The following SKAP1 variants were observed in gnomAD, a reference collection of about 807,000 sequenced individuals.
SKAP1 encodes src kinase associated phosphoprotein 1, also known as src kinase-associated phosphoprotein 1.
A neutral mutation model predicts 58.5 loss-of-function variants in SKAP1; 44 were observed. That is an observed-to-expected ratio of 0.75 (90% CI 0.59 to 0.97). SKAP1 has a LOEUF of 0.97. SKAP1 is among the 50% of genes least tolerant of loss of function. SKAP1 has a pLI of 0.00. For synonymous variants in SKAP1, 127 were observed against 149.7 expected, an observed-to-expected ratio of 0.85 and a Z score of 1.11; for missense variants, 390 against 435.2, an observed-to-expected ratio of 0.90 and a Z score of 0.92.
At chr17:48,145,278 C>T (rs754996811) in intron 11 of SKAP1, among the ~76,000 whole-genome samples, 2 of 152,138 alleles carry the variant, frequency 1.3e-5, no homozygotes, top group Non-Finnish European at 2.9e-5. Context: ...CATTATATGG[C>T]TGTAGAAACT....
intron 2 of SKAP1, among the ~76,000 whole-genome samples, chr17:48,373,765 AC>A (rs2067117734): frequency 1.3e-5 from 2 of 152,202 alleles, no homozygotes; most frequent in Admixed American, 1.3e-4. Flanking sequence ...CTTGCCCCAC[AC>A]CCACCAAAAA....
chr17:48,323,638 A>T (rs896093783), intron 4 of SKAP1, among the ~76,000 whole-genome samples: 1 of 152,160 alleles, frequency 6.6e-6, no homozygotes, highest in African/African-American at 2.4e-5. Flanking sequence ...GAGCATTTCT[A>T]TGTGAAAAGT....
chr17:48,407,093 T>C (rs893023244), intron 1 of SKAP1, among the ~76,000 whole-genome samples: 1 of 152,164 alleles, frequency 6.6e-6, no homozygotes, highest in Non-Finnish European at 1.5e-5. Context: ...TAAAAACACA[T>C]ACTCCTACAT....
At position 48,138,352 on chromosome 17, in the gene SKAP1, G is replaced by A. The variant is rs192045870; in HGVS notation, c.979-1015C>T. Among the ~76,000 whole-genome samples, 45 of 151,212 alleles carry A rather than the reference G, an allele frequency of 3.0e-4. No homozygotes were observed. In the East Asian group the frequency reaches 7.2e-3, roughly 24 times the overall value. ...CCTGAGTAGCTGGGATTACAGGTGC[G>A]TGCCATCACACCCGGCTATTTTTTT... On this transcript the variant is annotated intron_variant, in intron 11 of 12. Transcript: ENST00000336915.
At chr17:48,421,156 G>A (rs923547696) in intron 1 of SKAP1, among the ~76,000 whole-genome samples, 3 of 152,152 alleles carry the variant, frequency 2.0e-5, no homozygotes, top group African/African-American at 7.2e-5. Flanking sequence ...TCTAACACTA[G>A]ACGATAATCA....
intron 4 of SKAP1, among the ~76,000 whole-genome samples, chr17:48,273,236 AC>A (rs1006596942): frequency 2.0e-5 from 3 of 152,170 alleles, no homozygotes; most frequent in African/African-American, 7.2e-5. Flanking sequence ...ATCAATCTGA[AC>A]ATTTCCTTTC....
intron 9 of SKAP1, among the ~76,000 whole-genome samples, chr17:48,171,877 A>G (rs2064223361): frequency 6.6e-6 from 1 of 152,086 alleles, no homozygotes; most frequent in African/African-American, 2.4e-5. Context: ...CCTGGTCAAC[A>G]TGGTGAAACC....
At chr17:48,158,592 G>GAA (rs1031044698) in intron 11 of SKAP1, among the ~76,000 whole-genome samples, 1 of 128,206 alleles carries the variant, frequency 7.8e-6, no homozygotes, top group Non-Finnish European at 1.7e-5. Flanking sequence ...AAAGAAAAAA[G>GAA]AAAAAAAAAG....
chr17:48,421,699 A>G (rs1453639233), intron 1 of SKAP1, among the ~76,000 whole-genome samples: 1 of 152,200 alleles, frequency 6.6e-6, no homozygotes, highest in Non-Finnish European at 1.5e-5. Context: ...TTCAAGTGCC[A>G]TCTCAGAGAA....
chr17:48,303,589 G>A (rs1328981543), intron 4 of SKAP1, among the ~76,000 whole-genome samples: 1 of 152,150 alleles, frequency 6.6e-6, no homozygotes, highest in African/African-American at 2.4e-5. Context: ...TAAAGGGACC[G>A]CTTTCCTTCA....
chr17:48,373,417 G>C (rs1309603576), intron 2 of SKAP1, among the ~76,000 whole-genome samples: 3 of 152,238 alleles, frequency 2.0e-5, no homozygotes, highest in East Asian at 3.9e-4. Flanking sequence ...AGATTTGGGT[G>C]GGGGGACAGA....
At chr17:48,178,236 A>T (rs530045754) in intron 9 of SKAP1, among the ~76,000 whole-genome samples, 2 of 152,084 alleles carry the variant, frequency 1.3e-5, no homozygotes, top group South Asian at 4.2e-4. Flanking sequence ...CTGTGTCTCT[A>T]AGCATCAGCC....
intron 9 of SKAP1, among the ~76,000 whole-genome samples, chr17:48,179,022 G>T (rs990420961): frequency 6.6e-6 from 1 of 151,974 alleles, no homozygotes; most frequent in African/African-American, 2.4e-5. Flanking sequence ...TGTGGAGAGG[G>T]TTGGACGCTC....
At chr17:48,175,450 C>CA (rs1567806275) in intron 9 of SKAP1, among the ~76,000 whole-genome samples, 2 of 152,200 alleles carry the variant, frequency 1.3e-5, no homozygotes, top group African/African-American at 4.8e-5. Context: ...TATAGCACCT[C>CA]ATCAGACAAC....
intron 11 of SKAP1, among the ~76,000 whole-genome samples, chr17:48,146,947 CTG>C (rs1016004671): frequency 6.6e-6 from 1 of 152,174 alleles, no homozygotes. Context: ...ATCTGTTTAA[CTG>C]TGACTTCAGA....
At position 48,302,771 on chromosome 17, in the gene SKAP1, A is replaced by G. The variant is rs185714509; in HGVS notation, c.280+43134T>C. 3.7e-3 allele frequency among the ~76,000 whole-genome samples: 567 copies of G among 152,336 alleles called. 3 individuals are homozygous for G. Among genetic ancestry groups the G allele is most frequent in the Middle Eastern group, 0.027 (8 of 294 alleles). ...CATCCTCTTTGTCACTATTTGGTTC[A>G]ACAGTTTAGGTCAACAAACACTCTG... On this transcript the variant is annotated intron_variant, in intron 4 of 12. Coordinates refer to ENST00000336915, the MANE Select transcript of SKAP1 (RefSeq NM_003726.4).
At chr17:48,224,035 A>G (rs1355384509) in intron 4 of SKAP1, among the ~76,000 whole-genome samples, 9 of 65,432 alleles carry the variant, frequency 1.4e-4, no homozygotes, top group African/African-American at 5.3e-4. Flanking sequence ...AGAGAGAGAG[A>G]AGAAGGAGGA....
At chr17:48,157,460 C>A (rs1437738345) in intron 11 of SKAP1, among the ~76,000 whole-genome samples, 1 of 151,706 alleles carries the variant, frequency 6.6e-6, no homozygotes, top group East Asian at 1.9e-4. Flanking sequence ...GTCTTGAACT[C>A]CTGACCTCAG....
intron 4 of SKAP1, among the ~76,000 whole-genome samples, chr17:48,211,286 A>AT (rs2064869953): frequency 6.6e-6 from 1 of 152,188 alleles, no homozygotes; most frequent in South Asian, 2.1e-4. Flanking sequence ...TATTAAAAAA[A>AT]ATTTTTTTTT....
Sources: allele counts gnomAD v4.1 joint callset (sites outside exome capture counted in the v4.1 genomes callset), GRCh38; gene constraint gnomAD v4.1.1; transcripts MANE v1.5; gene names NCBI Gene and HGNC (gene_info 2026-07-23, HGNC 2026-07-21).